SERTAD2: variants seen among roughly 807,000 people sequenced by gnomAD.
The protein encoded by SERTAD2 is SERTA domain-containing protein 2.
A neutral mutation model predicts 15.4 loss-of-function variants in SERTAD2; 2 were observed. The observed-to-expected ratio is 0.13, with a 90% CI of 0.05 to 0.41. The LOEUF (loss-of-function observed/expected upper bound fraction) is 0.41, where lower values mean the gene tolerates loss of function less well. SERTAD2 is among the 10% of genes least tolerant of loss of function. SERTAD2 has a pLI of 0.99. For synonymous variants in SERTAD2, 180 were observed against 178.0 expected (o/e 1.01, Z -0.09); for missense variants, 333 against 409.7 (o/e 0.81, Z 1.62).
At chr2:64,650,648 A>G (rs1052074077) in intron 1 of SERTAD2, among the ~76,000 whole-genome samples, 1 of 152,218 alleles carries the variant, frequency 6.6e-6, no homozygotes, top group Non-Finnish European at 1.5e-5. Context: ...TCCTTCAAAC[A>G]TACTAAAACT....
intron 1 of SERTAD2, among the ~76,000 whole-genome samples, chr2:64,650,184 AAG>A (rs1242440281): frequency 6.6e-6 from 1 of 152,194 alleles, no homozygotes; most frequent in Non-Finnish European, 1.5e-5. Flanking sequence ...GAATTTTCAA[AAG>A]AGAGTTTGCG....
At chr2:64,648,440 A>T (rs1674948816) in intron 1 of SERTAD2, among the ~76,000 whole-genome samples, 1 of 152,238 alleles carries the variant, frequency 6.6e-6, no homozygotes, top group Non-Finnish European at 1.5e-5. Flanking sequence ...TTAAAGAATA[A>T]CTACTTTGGG....
rs1453521402 is a variant in SERTAD2, at chr2:64,635,640, C to T, written c.*287G>A. On this transcript the variant is annotated 3_prime_UTR_variant, in exon 2 of 2. Transcript: ENST00000313349. ...ACTTAATCCTTGTGCTTCACTTGAA[C>T]TGTTTATTTTTGTCATTCAACATTG... 6.5e-6 allele frequency: 2 copies of T among 305,924 alleles called. No individual in the cohort carries two copies. Among genetic ancestry groups the T allele is most frequent in the African/African-American group, 2.1e-5 (1 of 47,628 alleles). The allele number at this position is 305,924 out of a possible 1,614,324, so 19.0% of individuals were successfully genotyped here. A position where few individuals can be genotyped will look rare whatever the true frequency, so the allele number is the denominator to read the frequency against.
intron 1 of SERTAD2, among the ~76,000 whole-genome samples, chr2:64,651,050 G>T (rs1482972873): frequency 1.3e-5 from 2 of 152,170 alleles, no homozygotes; most frequent in Non-Finnish European, 2.9e-5. Context: ...TTGCCAAGAA[G>T]CTTTAAAAAT....
intron 1 of SERTAD2, among the ~76,000 whole-genome samples, chr2:64,644,323 C>T (rs1451691241): frequency 6.6e-6 from 1 of 152,232 alleles, no homozygotes; most frequent in Non-Finnish European, 1.5e-5. Context: ...TTCTGAAACA[C>T]AGAATATGCT....
At position 64,636,874 on chromosome 2, in the gene SERTAD2, A is replaced by G; in HGVS notation, c.-3T>C. 2.5e-6 allele frequency: 4 copies of G among 1,598,582 alleles called. No individual in the cohort carries two copies. Among genetic ancestry groups the G allele is most frequent in the Non-Finnish European group, 3.4e-6 (4 of 1,167,850 alleles). On this transcript the variant is annotated splice_region_variant and 5_prime_UTR_variant, in exon 2 of 2. Coordinates refer to ENST00000313349, the MANE Select transcript of SERTAD2 (RefSeq NM_014755.3). ...CGTTTTCCTCCTTTACCCAACATAT[A>G]TCTGCAGAGGGGAGAGAGAGGAAAT...
At chr2:64,649,978 A>G (rs2104353368) in intron 1 of SERTAD2, among the ~76,000 whole-genome samples, 1 of 152,248 alleles carries the variant, frequency 6.6e-6, no homozygotes, top group Non-Finnish European at 1.5e-5. Flanking sequence ...ACAGATGCCA[A>G]CTCCATTCTG....
intron 1 of SERTAD2, among the ~76,000 whole-genome samples, chr2:64,644,106 G>A (rs770322204): frequency 3.3e-5 from 5 of 152,208 alleles, no homozygotes; most frequent in Non-Finnish European, 7.4e-5. Flanking sequence ...ATTGTCTTAT[G>A]AGAAGGCTGG....
In SERTAD2 at chr2:64,651,678, G is replaced by A. The variant is rs538099586; in HGVS notation, c.-5+1942C>T. Among the ~76,000 whole-genome samples, 5 of 152,310 alleles carry A rather than the reference G, an allele frequency of 3.3e-5. No individual in the cohort carries two copies. In the Middle Eastern group the frequency reaches 0.01, roughly 311 times the overall value. On this transcript the variant is annotated intron_variant, in intron 1 of 1. Coordinates refer to ENST00000313349, the MANE Select transcript of SERTAD2 (RefSeq NM_014755.3). ...AAGAGGGACAATTCAGCAAACAGAA[G>A]TGTAAAGATTTTCTAAATCTGAATT... is the stretch of plus-strand genomic sequence containing the variant.
rs74806060 is a variant in SERTAD2 at position 64,650,412 on chromosome 2, G to A, written c.-5+3208C>T. On this transcript the variant is annotated intron_variant, in intron 1 of 1. Transcript: ENST00000313349. ...ATTTATTACTCAGAATAGGAATGTCGTCTTATTGGGCTGACATATGCCATT... is the reference window on the plus strand; with the variant it reads ...ATTTATTACTCAGAATAGGAATGTCATCTTATTGGGCTGACATATGCCATT... 5.9e-3 allele frequency among the ~76,000 whole-genome samples: 888 copies of A among 151,534 alleles called. 14 individuals carry two copies. The highest frequency in any genetic ancestry group is 0.022 in the Admixed American group (342 of 15,242).
chr2:64,650,340 T>G (rs1674982877), intron 1 of SERTAD2, among the ~76,000 whole-genome samples: 1 of 151,970 alleles, frequency 6.6e-6, no homozygotes. Context: ...AATCATGTTT[T>G]GTTTGTCTCG....
intron 1 of SERTAD2, among the ~76,000 whole-genome samples, chr2:64,639,995 G>C (rs1674736927): frequency 6.6e-6 from 1 of 152,090 alleles, no homozygotes; most frequent in Non-Finnish European, 1.5e-5. Flanking sequence ...ATGCACCTCA[G>C]AGGTGTGAAT....
intron 1 of SERTAD2, among the ~76,000 whole-genome samples, chr2:64,650,233 C>T (rs760358939): frequency 2.0e-5 from 3 of 152,060 alleles, no homozygotes; most frequent in Admixed American, 6.5e-5. Flanking sequence ...CTGGCAGTAT[C>T]TGTTCTGTCC....
At position 64,636,344 on chromosome 2, in the gene SERTAD2, G is replaced by A. The variant is rs374394760; in HGVS notation, c.528C>T (p.Ile176=). The A allele has an allele frequency of 9.9e-6, 16 of 1,614,066 alleles. No homozygotes were observed. The East Asian group carries it at 1.8e-4, about 18-fold the overall frequency. ...AGGTAGATGTGGGACAGAGCTCCTCGATCTCGTCCAAGGCAGAGGAGAAAC... is the reference window on the plus strand; with the variant it reads ...AGGTAGATGTGGGACAGAGCTCCTCAATCTCGTCCAAGGCAGAGGAGAAAC... ...KDSFSSALDE[I]EELCPTSTST... is the part of the protein sequence containing the mutation. Residue 176 remains isoleucine (I), a synonymous_variant, in exon 2 of 2, where the codon ATC becomes ATT. Coordinates refer to ENST00000313349, the MANE Select transcript of SERTAD2 (RefSeq NM_014755.3).
Position 64,636,937 on chromosome 2 carries a change from A to G in SERTAD2, c.-4-62T>C, listed in dbSNP as rs973201687. 4 of 1,227,808 alleles carry G rather than the reference A, an allele frequency of 3.3e-6. No individual in the cohort carries two copies. The African/African-American group carries it at 6.0e-5, about 18-fold the overall frequency. The allele number at this position is 1,227,808 out of a possible 1,614,324, so 76.1% of individuals were successfully genotyped here. On this transcript the variant is annotated intron_variant, in intron 1 of 1. Coordinates refer to ENST00000313349, the MANE Select transcript of SERTAD2 (RefSeq NM_014755.3). ...ATGAAAGCTGATTTCTCCCATAAAA[A>G]AAGAGACTGATTTAGAGGGCAGGAC...
chr2:64,647,631 A>AG (rs914718286), intron 1 of SERTAD2, among the ~76,000 whole-genome samples: 1 of 151,322 alleles, frequency 6.6e-6, no homozygotes, highest in African/African-American at 2.4e-5. Context: ...AACTTAGAGT[A>AG]GAAAGGAAAG....
chr2:64,647,375 CA>C (rs1233474803), intron 1 of SERTAD2, among the ~76,000 whole-genome samples: 4 of 152,126 alleles, frequency 2.6e-5, no homozygotes, highest in African/African-American at 9.7e-5. Context: ...GCCTCATTAA[CA>C]TTAGGGTAAG....
rs1169530547 is a variant in SERTAD2 at position 64,634,522 on chromosome 2, G to C, written c.*1405C>G. ...CTGTGACGTAATGTGATGAACTCCA[G>C]GTTCAAGAGTCACACATGTTGTAAG... On this transcript the variant is annotated 3_prime_UTR_variant, in exon 2 of 2. Transcript: ENST00000313349. The C allele has an allele frequency of 1.3e-5, 2 of 152,208 alleles. No homozygotes were observed. The highest frequency in any genetic ancestry group is 2.9e-5 in the Non-Finnish European group (2 of 68,044). 9.4% of individuals were successfully genotyped at this position (152,208 alleles called of 1,614,324 possible). A position where few individuals can be genotyped will look rare whatever the true frequency, so the allele number is the denominator to read the frequency against.
At chr2:64,640,226 C>T (rs1195281637) in intron 1 of SERTAD2, among the ~76,000 whole-genome samples, 1 of 152,090 alleles carries the variant, frequency 6.6e-6, no homozygotes, top group Admixed American at 6.5e-5. Context: ...ACTGCAGTAA[C>T]ATTACAATGA....
Sources: gnomAD v4.1 joint callset for allele counts (sites outside exome capture counted in the v4.1 genomes callset) on GRCh38, gnomAD v4.1.1 for gene constraint, MANE v1.5 for transcripts, NCBI Gene and HGNC (gene_info 2026-07-23, HGNC 2026-07-21) for gene names.